The following KIF16B variants were observed in gnomAD, a reference collection of about 807,000 sequenced individuals.
KIF16B encodes the protein kinesin family member 16B, also known as kinesin-like protein KIF16B.
KIF16B carries 98 observed loss-of-function variants against 156.3 expected under a neutral mutation model. The observed-to-expected ratio is 0.63, with a 90% CI of 0.53 to 0.74. The LOEUF (loss-of-function observed/expected upper bound fraction) is 0.74. Among genes scored for constraint, KIF16B ranks in the 30% least tolerant of loss-of-function variants. KIF16B has a pLI of 0.00. For missense variants in KIF16B, 1,421 were observed against 1,606.5 expected, an observed-to-expected ratio of 0.88 and a Z score of 1.97; for synonymous variants, 564 against 583.7, an observed-to-expected ratio of 0.97 and a Z score of 0.49.
chr20:16,398,086 C>T (rs536768599), intron 17 of KIF16B, among the ~76,000 whole-genome samples: 11 of 152,216 alleles, frequency 7.2e-5, no homozygotes, highest in South Asian at 2.1e-4. Flanking sequence ...AAAATGCCTG[C>T]GAGAGGATAC....
intron 15 of KIF16B, among the ~76,000 whole-genome samples, chr20:16,419,343 G>A (rs2066169413): frequency 6.6e-6 from 1 of 152,048 alleles, no homozygotes; most frequent in Admixed American, 6.6e-5. Flanking sequence ...CACATAAAAG[G>A]CCTCCTCTGT....
intron 22 of KIF16B, among the ~76,000 whole-genome samples, chr20:16,363,343 G>A (rs2064588619): frequency 6.6e-6 from 1 of 152,162 alleles, no homozygotes; most frequent in Non-Finnish European, 1.5e-5. Flanking sequence ...AATTGAATAT[G>A]TAACTTAAAA....
At chr20:16,371,209 T>G (rs1217929244) in intron 21 of KIF16B, among the ~76,000 whole-genome samples, 1 of 152,212 alleles carries the variant, frequency 6.6e-6, no homozygotes, top group African/African-American at 2.4e-5. Flanking sequence ...TATTTTTTTC[T>G]AGAACATTCC....
intron 25 of KIF16B, among the ~76,000 whole-genome samples, chr20:16,284,582 A>G (rs562559252): frequency 1.3e-5 from 2 of 152,242 alleles, no homozygotes; most frequent in South Asian, 2.1e-4. Context: ...CTCTGCTTTT[A>G]TGGGGCTCAC....
At chr20:16,520,982 C>G (rs778211217) in intron 3 of KIF16B, among the ~76,000 whole-genome samples, 1 of 151,960 alleles carries the variant, frequency 6.6e-6, no homozygotes, top group South Asian at 2.1e-4. Context: ...GAAACAGCAT[C>G]AACATCAACA....
intron 12 of KIF16B, among the ~76,000 whole-genome samples, chr20:16,452,402 GAA>G (rs200898603): frequency 8.0e-6 from 1 of 125,684 alleles, no homozygotes; most frequent in Non-Finnish European, 1.7e-5. Context: ...ACCCCTATAA[GAA>G]AAAAAAAAAA....
chr20:16,435,249 T>C (rs896594547), intron 12 of KIF16B, among the ~76,000 whole-genome samples: 2 of 152,346 alleles, frequency 1.3e-5, no homozygotes, highest in South Asian at 4.1e-4. Flanking sequence ...CTTCTTGCCT[T>C]GGCATCTGAA....
chr20:16,354,351 T>C (rs547135680), intron 23 of KIF16B, among the ~76,000 whole-genome samples: 5 of 152,182 alleles, frequency 3.3e-5, no homozygotes, highest in Non-Finnish European at 7.3e-5. Flanking sequence ...GCTGGGGAAT[T>C]CTAATTCTGA....
intron 12 of KIF16B, among the ~76,000 whole-genome samples, chr20:16,449,063 T>C (rs1285762861): frequency 2.0e-5 from 3 of 151,246 alleles, no homozygotes; most frequent in Non-Finnish European, 4.4e-5. Context: ...TAGATGAAAA[T>C]AATGTAGGAG....
At chr20:16,344,490 TCTCTTGGATCAATTACAGAGGCCGGA>T (rs1204341323) in intron 23 of KIF16B, among the ~76,000 whole-genome samples, 1 of 152,158 alleles carries the variant, frequency 6.6e-6, no homozygotes, top group Non-Finnish European at 1.5e-5. Flanking sequence ...TTATCTCCTT[TCTCTTGGATCAATTACAGAGGCCGGA>T]CTCCAGGTTA....
chr20:16,314,219 A>C (rs1601550454), intron 24 of KIF16B, among the ~76,000 whole-genome samples: 2 of 152,210 alleles, frequency 1.3e-5, no homozygotes, highest in South Asian at 4.1e-4. Flanking sequence ...ACATCTGGTT[A>C]GTCATTTTTA....
At chr20:16,363,250 A>C (rs1174001195) in intron 22 of KIF16B, among the ~76,000 whole-genome samples, 1 of 152,168 alleles carries the variant, frequency 6.6e-6, no homozygotes, top group Non-Finnish European at 1.5e-5. Context: ...TTACGGAAAG[A>C]ATAGTGTAAC....
At chr20:16,356,089 T>C (rs2064435901) in intron 23 of KIF16B, among the ~76,000 whole-genome samples, 1 of 152,148 alleles carries the variant, frequency 6.6e-6, no homozygotes, top group Non-Finnish European at 1.5e-5. Flanking sequence ...ACCCTACCCG[T>C]AGGGTGTGGG....
intron 25 of KIF16B, among the ~76,000 whole-genome samples, chr20:16,302,181 T>C (rs1386185856): frequency 1.3e-5 from 2 of 152,210 alleles, no homozygotes; most frequent in Non-Finnish European, 2.9e-5. Context: ...GTGTTGTATC[T>C]AAAAAGTTAT....
chr20:16,495,383 A>C (rs1405715463), intron 11 of KIF16B, among the ~76,000 whole-genome samples: 1 of 152,168 alleles, frequency 6.6e-6, no homozygotes, highest in Non-Finnish European at 1.5e-5. Context: ...TAGTAACTGG[A>C]AAGGGTATTC....
chr20:16,533,590 G>A (rs536308844), intron 1 of KIF16B, among the ~76,000 whole-genome samples: 2 of 152,290 alleles, frequency 1.3e-5, no homozygotes, highest in South Asian at 4.1e-4. Context: ...GAATATGAAT[G>A]GATATACCAT....
chr20:16,402,363 T>G (rs137870453), intron 17 of KIF16B, among the ~76,000 whole-genome samples: 4 of 152,334 alleles, frequency 2.6e-5, no homozygotes, highest in African/African-American at 9.6e-5. Flanking sequence ...CAAGCTGACC[T>G]TCTCAGGATT....
intron 6 of KIF16B, among the ~76,000 whole-genome samples, chr20:16,510,170 A>C (rs149633453): frequency 3.7e-4 from 57 of 152,232 alleles, no homozygotes; most frequent in South Asian, 2.1e-3. Flanking sequence ...TTGCTATTCT[A>C]TCTCTTCATA....
intron 12 of KIF16B, among the ~76,000 whole-genome samples, chr20:16,475,895 C>T (rs893845653): frequency 6.6e-6 from 1 of 152,186 alleles, no homozygotes; most frequent in African/African-American, 2.4e-5. Flanking sequence ...AAAAGAACTC[C>T]AGAAATGTGA....
Sources: gnomAD v4.1 joint callset for allele counts (sites outside exome capture counted in the v4.1 genomes callset) on GRCh38, gnomAD v4.1.1 for gene constraint, MANE v1.5 for transcripts, NCBI Gene and HGNC (gene_info 2026-07-23, HGNC 2026-07-21) for gene names.